The following ETV5 variants were observed in gnomAD, a reference collection of about 807,000 sequenced individuals.
The protein encoded by ETV5 is ETS variant transcription factor 5, also known as ETS translocation variant 5.
Under a neutral mutation model 70.0 loss-of-function variants are expected in ETV5, and 10 were observed. The observed-to-expected ratio is 0.14, with a 90% CI of 0.09 to 0.24. The LOEUF (loss-of-function observed/expected upper bound fraction) is 0.24. ETV5 is among the 10% of genes least tolerant of loss of function. The probability of loss-of-function intolerance (pLI) is 1.00; values close to 1 mark genes in which losing one functional copy is unlikely to be tolerated. For synonymous variants in ETV5, 216 were observed against 242.2 expected (o/e 0.89, Z 1.01); for missense variants, 453 against 651.2 (o/e 0.70, Z 3.31).
intron 9 of ETV5, among the ~76,000 whole-genome samples, chr3:186,063,798 C>T (rs1046601697): frequency 6.6e-6 from 1 of 152,156 alleles, no homozygotes; most frequent in African/African-American, 2.4e-5. Flanking sequence ...CCCACCAGCC[C>T]CCTCAAGGTT....
intron 5 of ETV5, among the ~76,000 whole-genome samples, chr3:186,103,469 T>C (rs916960761): frequency 1.3e-5 from 2 of 152,122 alleles, no homozygotes; most frequent in Non-Finnish European, 2.9e-5. Context: ...CAAACAAAAG[T>C]GTCATAAAAG....
intron 7 of ETV5, among the ~76,000 whole-genome samples, chr3:186,066,768 A>G (rs1713456981): frequency 6.6e-6 from 1 of 152,246 alleles, no homozygotes; most frequent in Non-Finnish European, 1.5e-5. Flanking sequence ...AGGCATAAGG[A>G]CCCACTAGCT....
intron 5 of ETV5, among the ~76,000 whole-genome samples, chr3:186,100,354 G>A (rs985838650): frequency 6.6e-6 from 1 of 152,156 alleles, no homozygotes; most frequent in Non-Finnish European, 1.5e-5. Context: ...AAAGACTTTA[G>A]GATGATCCTT....
At position 186,105,594 on chromosome 3, in the gene ETV5, G is replaced by A. The variant is rs1293440842; in HGVS notation, c.133+31C>T. 2 of 1,613,186 alleles carry A rather than the reference G, an allele frequency of 1.2e-6. No individual in the cohort carries two copies. The highest frequency in any genetic ancestry group is 1.7e-6 in the Non-Finnish European group (2 of 1,179,112). On this transcript the variant is annotated intron_variant, in intron 3 of 12. Coordinates refer to ENST00000306376, the MANE Select transcript of ETV5 (RefSeq NM_004454.3). The surrounding 1 kb of genome is among the most constrained non-coding windows in gnomAD (Gnocchi z 4.5). ...CGCTACTGTCACTGGGAGCAGGGAA[G>A]CCACAACATAATCAGGGAAAGCTTT...
intron 5 of ETV5, among the ~76,000 whole-genome samples, chr3:186,086,805 A>G (rs1391814185): frequency 4.7e-5 from 4 of 84,632 alleles, no homozygotes; most frequent in African/African-American, 9.3e-5. Flanking sequence ...AAAAGATACG[A>G]AAAAAAAAAA....
intron 6 of ETV5, 166 bp downstream of exon 6, chr3:186,080,879 TC>T: frequency 1.4e-6 from 1 of 724,228 alleles, no homozygotes; most frequent in Middle Eastern, 3.7e-4. Flanking sequence ...AGTACAATGA[TC>T]CCAAGGGGAC....
rs781347359 is a variant in ETV5 at position 186,048,672 on chromosome 3, G to A, written c.1500C>T (p.Ser500=). 2.5e-6 allele frequency: 4 copies of A among 1,614,086 alleles called. No homozygotes were observed. The African/African-American group carries it at 4.0e-5, about 16-fold the overall frequency. The change falls in exon 13 of 13, where the codon AGC becomes AGT. Residue 500 remains serine, a synonymous_variant. Transcript: ENST00000306376. Reference sequence around the variant, plus strand: ...CAAAGCCTTCGGCATAGGGGAGGCTGCTGCAGCGGTCCATGTCCAGGAGGT... The same window carrying A: ...CAAAGCCTTCGGCATAGGGGAGGCTACTGCAGCGGTCCATGTCCAGGAGGT... ...PAYLLDMDRC[S]SLPYAEGFAY is the part of the protein sequence containing the mutation.
At chr3:186,098,413 C>T (rs1037010963) in intron 5 of ETV5, among the ~76,000 whole-genome samples, 1 of 152,060 alleles carries the variant, frequency 6.6e-6, no homozygotes, top group African/African-American at 2.4e-5. Context: ...TGGCTTCCTC[C>T]CCAGGGGAGG....
rs1439067549 is a variant in ETV5 at position 186,046,347 on chromosome 3, T to C, written c.*2292A>G. ...AAACGAAAAGCAAACTTCTTTATTG[T>C]ACACAGTACAGAATATAACGCAGCT... is the stretch of plus-strand genomic sequence containing the variant. On this transcript the variant is annotated 3_prime_UTR_variant, in exon 13 of 13. Coordinates refer to ENST00000306376, the MANE Select transcript of ETV5 (RefSeq NM_004454.3). The C allele has an allele frequency of 4.6e-6, 1 of 218,084 alleles. No homozygotes were observed. Among genetic ancestry groups the C allele is most frequent in the African/African-American group, 2.3e-5 (1 of 44,412 alleles). The allele number at this position is 218,084 out of a possible 1,614,324, so 13.5% of individuals were successfully genotyped here.
intron 5 of ETV5, among the ~76,000 whole-genome samples, chr3:186,102,154 C>CT (rs928871294): frequency 6.6e-6 from 1 of 151,346 alleles, no homozygotes; most frequent in Non-Finnish European, 1.5e-5. Flanking sequence ...AGAAGTTGAA[C>CT]TTTTAGTGTT....
chr3:186,084,204 C>A (rs1324160792), intron 5 of ETV5: 1 of 452,052 alleles, frequency 2.2e-6, no homozygotes, highest in Admixed American at 2.4e-5. Context: ...ATGACAGAGA[C>A]CCAGGACTAT....
At position 186,052,760 on chromosome 3, in the gene ETV5, A is replaced by G. The variant is rs1003956662; in HGVS notation, c.1210-629T>C. Among the ~76,000 whole-genome samples the G allele has an allele frequency of 6.6e-6, 1 of 152,228 alleles. No homozygotes were observed. Among genetic ancestry groups the G allele is most frequent in the Non-Finnish European group, 1.5e-5 (1 of 68,048 alleles). On this transcript the variant is annotated intron_variant, in intron 11 of 12. Transcript: ENST00000306376. The surrounding 1 kb of genome is among the most constrained non-coding windows in gnomAD (Gnocchi z 4.5). ...TAATGAAAAATTAACAGGGCTTTCC[A>G]AACAGTTCTGAAATGCATTATATCC...
chr3:186,080,281 A>G (rs1286240305), intron 6 of ETV5, among the ~76,000 whole-genome samples, 177 bp from the exon 7 acceptor site: 1 of 152,126 alleles, frequency 6.6e-6, no homozygotes, highest in African/African-American at 2.4e-5. Context: ...TGACAAACAC[A>G]CTGCGTCACA....
intron 5 of ETV5, among the ~76,000 whole-genome samples, chr3:186,089,668 T>C (rs1315384838): frequency 2.0e-5 from 3 of 152,152 alleles, no homozygotes; most frequent in African/African-American, 7.2e-5. Context: ...ATATATTCTT[T>C]AAAAATGGAC....
At chr3:186,094,745 G>A (rs958296593) in intron 5 of ETV5, among the ~76,000 whole-genome samples, 19 of 152,164 alleles carry the variant, frequency 1.2e-4, no homozygotes, top group African/African-American at 4.6e-4. Context: ...ATTTTATACA[G>A]GATGAATATT....
intron 1 of ETV5, chr3:186,108,657 G>T (rs566936799): frequency 2.6e-6 from 3 of 1,156,768 alleles, no homozygotes; most frequent in African/African-American, 3.3e-5. Flanking sequence ...CCACTCGGGA[G>T]CCCCCGCACT....
chr3:186,103,944 TAGAG>T (rs1560057677), intron 5 of ETV5, among the ~76,000 whole-genome samples: 2 of 152,228 alleles, frequency 1.3e-5, no homozygotes, highest in African/African-American at 4.8e-5. Context: ...ACTTTTTACT[TAGAG>T]AGAGACCTAA....
intron 5 of ETV5, chr3:186,084,199 A>G: frequency 2.2e-6 from 1 of 454,292 alleles, no homozygotes; most frequent in Non-Finnish European, 4.4e-6. Flanking sequence ...AAATGATGAC[A>G]GAGACCCAGG....
At position 186,046,423 on chromosome 3, in the gene ETV5, G is replaced by A; in HGVS notation, c.*2216C>T. ...AGGGGAAAGTATTTCAAATCAGCTG[G>A]CAGGTTCAAGCCTTTCTGCACTGTA... On this transcript the variant is annotated 3_prime_UTR_variant, in exon 13 of 13. Coordinates refer to ENST00000306376, the MANE Select transcript of ETV5 (RefSeq NM_004454.3). 8.7e-6 allele frequency: 2 copies of A among 230,106 alleles called. No homozygotes were observed. Among genetic ancestry groups the A allele is most frequent in the East Asian group, 6.2e-5 (1 of 16,108 alleles). The allele number at this position is 230,106 out of a possible 1,614,324, so 14.3% of individuals were successfully genotyped here. A position where few individuals can be genotyped will look rare whatever the true frequency, so the allele number is the denominator to read the frequency against.
Sources: gnomAD v4.1 joint callset for allele counts (sites outside exome capture counted in the v4.1 genomes callset) on GRCh38, gnomAD v4.1.1 for gene constraint, Gnocchi (gnomAD v3.1) non-coding constraint, MANE v1.5 for transcripts, NCBI Gene and HGNC (gene_info 2026-07-23, HGNC 2026-07-21) for gene names.